COL5A2: variants seen among roughly 807,000 people sequenced by gnomAD.
The protein encoded by COL5A2 is collagen alpha-2(V) chain.
A neutral mutation model predicts 208.2 loss-of-function variants in COL5A2; 23 were observed. That is an observed-to-expected ratio of 0.11 (90% CI 0.08 to 0.16). The LOEUF (loss-of-function observed/expected upper bound fraction) is 0.16, where lower values mean the gene tolerates loss of function less well. COL5A2 is among the 10% of genes least tolerant of loss of function. The pLI is 1.00. For synonymous variants in COL5A2, 625 were observed against 628.5 expected (o/e 0.99, Z 0.08); for missense variants, 1,590 against 1,956.4 (o/e 0.81, Z 3.53).
intron 1 of COL5A2, among the ~76,000 whole-genome samples, chr2:189,189,762 A>C (rs1688900449): frequency 6.6e-6 from 1 of 152,210 alleles, no homozygotes; most frequent in South Asian, 2.1e-4. Context: ...ATTGGTATAA[A>C]TAACAAATAC....
the COL5A2 span, among the ~76,000 whole-genome samples, chr2:189,415,135 A>C: frequency 6.6e-6 from 1 of 152,168 alleles, no homozygotes; most frequent in African/African-American, 2.4e-5. Flanking sequence ...CCACTGAAAG[A>C]TATAAACTTT....
chr2:189,087,407 T>C (rs1385532148), intron 8 of COL5A2, among the ~76,000 whole-genome samples: 1 of 151,980 alleles, frequency 6.6e-6, no homozygotes, highest in Admixed American at 6.6e-5. Context: ...TATATGTATA[T>C]TACTATTTTT....
At chr2:189,145,847 C>T (rs922706049) in intron 1 of COL5A2, among the ~76,000 whole-genome samples, 1 of 152,010 alleles carries the variant, frequency 6.6e-6, no homozygotes, top group Non-Finnish European at 1.5e-5. Context: ...TACTGTGATC[C>T]TTCTTTAGAA....
At chr2:189,245,321 C>T in the COL5A2 span, among the ~76,000 whole-genome samples, 1 of 152,050 alleles carries the variant, frequency 6.6e-6, no homozygotes, top group South Asian at 2.1e-4. Flanking sequence ...TTTACCCACT[C>T]CAGGCACAGA....
chr2:189,323,571 T>A, the COL5A2 span, among the ~76,000 whole-genome samples: 5,376 of 151,834 alleles, frequency 0.035, 106 homozygotes, highest in Admixed American at 0.049. Flanking sequence ...CCCATTCACA[T>A]TTGCTTCAAA....
chr2:189,182,765 C>T (rs1401657042), upstream of COL5A2, among the ~76,000 whole-genome samples: 1 of 152,084 alleles, frequency 6.6e-6, no homozygotes, highest in African/African-American at 2.4e-5. Flanking sequence ...TCTTCCCTTT[C>T]TCCGAACTTC....
At chr2:189,044,473 T>C (rs1344543893) in intron 47 of COL5A2, among the ~76,000 whole-genome samples, 2 of 152,182 alleles carry the variant, frequency 1.3e-5, no homozygotes, top group Non-Finnish European at 2.9e-5. Context: ...AACTACAATG[T>C]ATTTATTCAT....
intron 1 of COL5A2, among the ~76,000 whole-genome samples, chr2:189,176,671 GACC>G (rs1421666033): frequency 6.6e-6 from 1 of 151,600 alleles, no homozygotes; most frequent in Non-Finnish European, 1.5e-5. Context: ...ATCTTTTGAA[GACC>G]ACCACCCCAA....
chr2:189,292,761 C>T, the COL5A2 span, among the ~76,000 whole-genome samples: 1 of 152,180 alleles, frequency 6.6e-6, no homozygotes, highest in East Asian at 1.9e-4. Context: ...TGGGTATATA[C>T]CCAAAGGAAT....
chr2:189,397,128 C>G, the COL5A2 span, among the ~76,000 whole-genome samples: 1 of 151,848 alleles, frequency 6.6e-6, no homozygotes, highest in Non-Finnish European at 1.5e-5. Context: ...ATATGGGGAA[C>G]TTTGGAAGGA....
the COL5A2 span, among the ~76,000 whole-genome samples, chr2:189,307,551 C>G: frequency 6.6e-6 from 1 of 152,082 alleles, no homozygotes; most frequent in Non-Finnish European, 1.5e-5. Context: ...AACAATATCT[C>G]AGTGGATTTG....
rs191200085 is a variant in COL5A2, at chr2:189,138,387, A to G, written c.98-27938T>C. The stretch of plus-strand genomic sequence containing the variant: ...ATATCACATATAGGAAAAATCTGAG[A>G]AGAAATGCTCAGATTTCTTCTCAGG... On this transcript the variant is annotated intron_variant, in intron 1 of 53. Coordinates refer to ENST00000374866, the MANE Select transcript of COL5A2 (RefSeq NM_000393.5). 3.9e-5 allele frequency among the ~76,000 whole-genome samples: 6 copies of G among 152,258 alleles called. No homozygotes were observed. The East Asian group carries it at 1.2e-3, about 29-fold the overall frequency.
chr2:189,172,974 T>C (rs1195369057), intron 1 of COL5A2, among the ~76,000 whole-genome samples: 4 of 145,296 alleles, frequency 2.8e-5, no homozygotes, highest in Non-Finnish European at 6.0e-5. Flanking sequence ...TCTTCTTTTT[T>C]TTTTTTTTTT....
chr2:189,062,583 G>C (rs1386885509), intron 29 of COL5A2, among the ~76,000 whole-genome samples: 1 of 152,054 alleles, frequency 6.6e-6, no homozygotes, highest in Non-Finnish European at 1.5e-5. Context: ...GTTACACACT[G>C]TTTTCTTCAG....
intron 23 of COL5A2, among the ~76,000 whole-genome samples, chr2:189,065,468 G>T (rs954557206): frequency 1.3e-5 from 2 of 152,118 alleles, no homozygotes; most frequent in East Asian, 3.9e-4. Context: ...CGCAGAGGTT[G>T]CAGTGAGCCA....
intron 47 of COL5A2, among the ~76,000 whole-genome samples, chr2:189,044,441 G>C (rs1324300445): frequency 2.6e-5 from 4 of 152,102 alleles, no homozygotes; most frequent in African/African-American, 9.7e-5. Flanking sequence ...AACTAAATCA[G>C]AAGGCACCTA....
intron 1 of COL5A2, among the ~76,000 whole-genome samples, chr2:189,207,176 A>G (rs549629151): frequency 6.6e-6 from 1 of 152,344 alleles, no homozygotes; most frequent in South Asian, 2.1e-4. Context: ...GAATTAAATT[A>G]GGATATGTGT....
chr2:189,344,903 T>C, the COL5A2 span, among the ~76,000 whole-genome samples: 2 of 152,142 alleles, frequency 1.3e-5, no homozygotes, highest in African/African-American at 4.8e-5. Context: ...CCACAAGCAA[T>C]GTATGCCTGG....
At chr2:189,327,938 C>T in the COL5A2 span, among the ~76,000 whole-genome samples, 1 of 152,162 alleles carries the variant, frequency 6.6e-6, no homozygotes, top group Non-Finnish European at 1.5e-5. Context: ...TTTCAAGCCA[C>T]TTAAATACTT....
Sources: allele counts gnomAD v4.1 joint callset (sites outside exome capture counted in the v4.1 genomes callset), GRCh38; gene constraint gnomAD v4.1.1; transcripts MANE v1.5; gene names NCBI Gene and HGNC (gene_info 2026-07-23, HGNC 2026-07-21).